Variants in SORCS1 observed in about 807,000 individuals in gnomAD.
SORCS1 encodes VPS10 domain-containing receptor SorCS1.
SORCS1 carries 60 observed loss-of-function variants against 146.1 expected under a neutral mutation model. That is an observed-to-expected ratio of 0.41 (90% CI 0.33 to 0.51). SORCS1 has a LOEUF of 0.51. Among genes scored for constraint, SORCS1 ranks in the 20% least tolerant of loss-of-function variants. SORCS1 has a pLI of 0.21. For synonymous variants in SORCS1, 637 were observed against 584.0 expected, an observed-to-expected ratio of 1.09 and a Z score of -1.31; for missense variants, 1,352 against 1,487.6, an observed-to-expected ratio of 0.91 and a Z score of 1.50.
intron 1 of SORCS1, among the ~76,000 whole-genome samples, chr10:107,102,364 T>A (rs940537205): frequency 2.0e-5 from 3 of 152,154 alleles, no homozygotes; most frequent in African/African-American, 7.2e-5. Context: ...AGACGACCTC[T>A]GGATATAGGG....
chr10:106,701,625 T>C (rs1337708669), intron 8 of SORCS1, among the ~76,000 whole-genome samples: 1 of 152,152 alleles, frequency 6.6e-6, no homozygotes, highest in African/African-American at 2.4e-5. Context: ...TCCTGTGACA[T>C]TTTTTTGGTC....
At chr10:106,893,182 C>T (rs974099327) in intron 2 of SORCS1, among the ~76,000 whole-genome samples, 4 of 152,080 alleles carry the variant, frequency 2.6e-5, no homozygotes, top group African/African-American at 4.8e-5. Flanking sequence ...GGAATACAGG[C>T]GTGAGCCACC....
rs967677572 is a variant in SORCS1, at chr10:106,778,659, T to A, written c.727-1967A>T. ...TGATCATATTGTTTTGTGTCTCCAA[T>A]CACAATTAACAATAATGTAAAACAA... On this transcript the variant is annotated intron_variant, in intron 3 of 25. Coordinates refer to ENST00000263054, the MANE Select transcript of SORCS1 (RefSeq NM_052918.5). Among the ~76,000 whole-genome samples, 3 of 152,142 alleles carry A rather than the reference T, an allele frequency of 2.0e-5. No individual in the cohort carries two copies. The East Asian group carries it at 5.8e-4, about 29-fold the overall frequency.
In SORCS1 at chr10:106,650,867, T is replaced by C. The variant is rs139289103; in HGVS notation, c.2475+1515A>G. On this transcript the variant is annotated intron_variant, in intron 18 of 25. Coordinates refer to ENST00000263054, the MANE Select transcript of SORCS1 (RefSeq NM_052918.5). The stretch of plus-strand genomic sequence containing the variant: ...ACTCCTAGTCCTCCTTTTCCTCCTC[T>C]TCATTTTTCTTCTTCTTCTCTCTCT... 2.3e-3 allele frequency among the ~76,000 whole-genome samples: 349 copies of C among 152,232 alleles called. 2 individuals are homozygous for C. Among genetic ancestry groups the C allele is most frequent in the African/African-American group, 8.1e-3 (335 of 41,526 alleles).
At chr10:106,597,558 G>C (rs1336572673) in intron 23 of SORCS1, 108 bp from the exon 24 acceptor site, 1 of 766,862 alleles carries the variant, frequency 1.3e-6, no homozygotes, top group Non-Finnish European at 2.2e-6. Flanking sequence ...TATTATACCC[G>C]TGAGTTATAT....
At chr10:106,741,849 A>G (rs1857388975) in intron 5 of SORCS1, among the ~76,000 whole-genome samples, 1 of 152,156 alleles carries the variant, frequency 6.6e-6, no homozygotes, top group Non-Finnish European at 1.5e-5. Flanking sequence ...TGACTAATAC[A>G]TTCTCTCCCT....
chr10:106,868,944 C>A (rs571640672), intron 2 of SORCS1, among the ~76,000 whole-genome samples: 1 of 151,968 alleles, frequency 6.6e-6, no homozygotes, highest in Admixed American at 6.6e-5. Flanking sequence ...ATGCCACTAG[C>A]TCGACTAATA....
chr10:106,824,091 G>A (rs140635490), intron 3 of SORCS1, among the ~76,000 whole-genome samples: 9,707 of 150,478 alleles, frequency 0.065, 515 homozygotes, highest in African/African-American at 0.15. Flanking sequence ...ATCACCTGGG[G>A]TCAGGAGTTC....
At chr10:107,107,931 A>C (rs573468020) in intron 1 of SORCS1, among the ~76,000 whole-genome samples, 4 of 152,180 alleles carry the variant, frequency 2.6e-5, no homozygotes, top group Admixed American at 6.5e-5. Flanking sequence ...CTGGATGTAG[A>C]CCCTGAAACA....
intron 1 of SORCS1, among the ~76,000 whole-genome samples, chr10:107,004,538 CATCAGAACAGT>C (rs1044494538): frequency 2.2e-4 from 33 of 152,144 alleles, no homozygotes; most frequent in African/African-American, 8.0e-4. Flanking sequence ...ATACTGTTCT[CATCAGAACAGT>C]ATGGAGGAAA....
At chr10:107,160,750 C>A (rs937294842) in intron 1 of SORCS1, among the ~76,000 whole-genome samples, 1 of 152,170 alleles carries the variant, frequency 6.6e-6, no homozygotes, top group South Asian at 2.1e-4. Context: ...CACCCGTCAC[C>A]TACTTACTAC....
At chr10:106,821,773 T>C (rs1375574368) in intron 3 of SORCS1, among the ~76,000 whole-genome samples, 1 of 151,804 alleles carries the variant, frequency 6.6e-6, no homozygotes, top group African/African-American at 2.4e-5. Context: ...TACAAAAAAA[T>C]TAGCCAGGCG....
chr10:106,815,523 C>A (rs2136853985), intron 3 of SORCS1, among the ~76,000 whole-genome samples: 1 of 152,246 alleles, frequency 6.6e-6, no homozygotes, highest in South Asian at 2.1e-4. Flanking sequence ...GTTTGATAAT[C>A]TTCTGGGCTT....
intron 1 of SORCS1, among the ~76,000 whole-genome samples, chr10:107,108,921 T>C (rs1965491342): frequency 6.6e-6 from 1 of 152,246 alleles, no homozygotes. Context: ...ACAGGCTTTA[T>C]GCAAGTTTGA....
chr10:106,861,033 A>T (rs569863151), intron 2 of SORCS1, among the ~76,000 whole-genome samples: 1 of 152,132 alleles, frequency 6.6e-6, no homozygotes, highest in East Asian at 1.9e-4. Context: ...AATTCTGCCA[A>T]TGTGTTTCAC....
At chr10:107,042,370 C>G (rs1959174316) in intron 1 of SORCS1, among the ~76,000 whole-genome samples, 2 of 152,212 alleles carry the variant, frequency 1.3e-5, no homozygotes, top group South Asian at 2.1e-4. Flanking sequence ...CTCAAAGAGA[C>G]TCACATCATC....
rs148419346 is a variant in SORCS1 at position 107,012,932 on chromosome 10, C to T, written c.559-56352G>A. On this transcript the variant is annotated intron_variant, in intron 1 of 25. Transcript: ENST00000263054. Reference sequence around the variant, plus strand: ...ACTCCACTAAGATGTCTGCACCTGTCTCTTCCAGGTTGAGTTGCTTGTTTC... The same window carrying T: ...ACTCCACTAAGATGTCTGCACCTGTTTCTTCCAGGTTGAGTTGCTTGTTTC... Among the ~76,000 whole-genome samples, 530 of 152,334 alleles carry T rather than the reference C, an allele frequency of 3.5e-3. 3 individuals carry two copies. The highest frequency in any genetic ancestry group is 5.9e-3 in the Non-Finnish European group (403 of 68,040).
At chr10:106,713,488 C>T (rs1430147697) in intron 6 of SORCS1, among the ~76,000 whole-genome samples, 1 of 150,688 alleles carries the variant, frequency 6.6e-6, no homozygotes, top group East Asian at 1.9e-4. Context: ...AATAACATAC[C>T]CTTTTCATGT....
chr10:106,755,591 T>C (rs910267402), intron 5 of SORCS1, among the ~76,000 whole-genome samples: 34 of 151,928 alleles, frequency 2.2e-4, no homozygotes, highest in Non-Finnish European at 3.7e-4. Flanking sequence ...TCTTTGTGTG[T>C]GTGTGTGTGT....
Sources: allele counts gnomAD v4.1 joint callset (sites outside exome capture counted in the v4.1 genomes callset), GRCh38; gene constraint gnomAD v4.1.1; transcripts MANE v1.5; gene names NCBI Gene and HGNC (gene_info 2026-07-23, HGNC 2026-07-21).